CCDC88A: variants seen among roughly 807,000 people sequenced by gnomAD.
The protein encoded by CCDC88A is coiled-coil and HOOK domain protein 88A.
CCDC88A carries 54 observed loss-of-function variants against 234.3 expected under a neutral mutation model. The ratio of observed to expected loss-of-function variants is 0.23; its 90% CI spans 0.19 to 0.29. CCDC88A has a LOEUF of 0.29. Among genes scored for constraint, CCDC88A ranks in the 10% least tolerant of loss-of-function variants. The pLI is 1.00. For missense variants in CCDC88A, 1,832 were observed against 2,123.4 expected (o/e 0.86, Z 2.70); for synonymous variants, 753 against 737.8 (o/e 1.02, Z -0.33).
chr2:55,380,214 C>T (rs1021079191), intron 3 of CCDC88A, among the ~76,000 whole-genome samples: 5 of 151,722 alleles, frequency 3.3e-5, no homozygotes, highest in African/African-American at 9.7e-5. Context: ...CCAGCCTGGG[C>T]GACAGAGCGA....
At chr2:55,306,754 T>C (rs890929996) in intron 25 of CCDC88A, among the ~76,000 whole-genome samples, 2 of 152,116 alleles carry the variant, frequency 1.3e-5, no homozygotes, top group Admixed American at 6.5e-5. Context: ...TTTTGGATTT[T>C]TAGTAGACAC....
chr2:55,341,137 T>C (rs1016869723), intron 12 of CCDC88A, among the ~76,000 whole-genome samples: 1 of 82,374 alleles, frequency 1.2e-5, no homozygotes, highest in Non-Finnish European at 2.4e-5. Context: ...ACAGAATTTC[T>C]TTCTTTTTTT....
intron 17 of CCDC88A, chr2:55,324,244 A>G (rs1037588855): frequency 3.6e-4 from 55 of 152,346 alleles, no homozygotes; most frequent in African/African-American, 1.3e-3. Flanking sequence ...CTTTAAAAAC[A>G]GAGTTATAAT....
intron 5 of CCDC88A, among the ~76,000 whole-genome samples, chr2:55,364,603 T>C (rs752119647): frequency 2.6e-5 from 4 of 152,230 alleles, no homozygotes; most frequent in Middle Eastern, 3.4e-3. Flanking sequence ...AATAAATATT[T>C]GATTTGTTTC....
chr2:55,376,415 C>G (rs1673663098), intron 3 of CCDC88A, among the ~76,000 whole-genome samples: 2 of 152,098 alleles, frequency 1.3e-5, no homozygotes, highest in African/African-American at 4.8e-5. Flanking sequence ...TGAAAAATAA[C>G]TATAAAAAGT....
chr2:55,412,766 C>A (rs915010142), intron 2 of CCDC88A, among the ~76,000 whole-genome samples: 3 of 152,180 alleles, frequency 2.0e-5, no homozygotes, highest in African/African-American at 7.2e-5. Context: ...TTATTGGACA[C>A]TTTCTATATG....
intron 5 of CCDC88A, 139 bp downstream of exon 5, chr2:55,372,313 G>T (rs925652974): frequency 9.5e-6 from 5 of 526,272 alleles, no homozygotes; most frequent in Non-Finnish European, 1.0e-5. Context: ...TCCTTAGGAG[G>T]TTATACAGTT....
At chr2:55,362,252 C>T in intron 7 of CCDC88A, 56 bp downstream of exon 7, 1 of 1,372,256 alleles carries the variant, frequency 7.3e-7, no homozygotes, top group Non-Finnish European at 9.9e-7. Flanking sequence ...CCTAAAGCTA[C>T]TATTTTCTTT....
intron 2 of CCDC88A, among the ~76,000 whole-genome samples, chr2:55,406,502 C>CCCAGCACTT (rs1177341788): frequency 6.6e-6 from 1 of 152,162 alleles, no homozygotes; most frequent in East Asian, 1.9e-4. Flanking sequence ...CACCTGTAAT[C>CCCAGCACTT]CCAGCACTTG....
At chr2:55,396,666 C>A (rs983375530) in intron 2 of CCDC88A, among the ~76,000 whole-genome samples, 2 of 151,924 alleles carry the variant, frequency 1.3e-5, no homozygotes, top group South Asian at 2.1e-4. Context: ...GTCTGGAGAT[C>A]GAGACCATCC....
intron 9 of CCDC88A, 120 bp from the exon 10 acceptor site, chr2:55,346,453 C>CT: frequency 1.9e-6 from 1 of 531,760 alleles, no homozygotes; most frequent in South Asian, 3.2e-5. Flanking sequence ...GAGTTTCACT[C>CT]TTGTTGCCCA....
chr2:55,324,638 T>C (rs1039710782), intron 17 of CCDC88A, among the ~76,000 whole-genome samples: 2 of 151,572 alleles, frequency 1.3e-5, no homozygotes, highest in African/African-American at 4.9e-5. Flanking sequence ...GAAGTAGCAT[T>C]ATCACCTTCT....
At chr2:55,416,463 T>G (rs1316230019) in intron 2 of CCDC88A, among the ~76,000 whole-genome samples, 5 of 90,750 alleles carry the variant, frequency 5.5e-5, no homozygotes, top group Non-Finnish European at 1.0e-4. Context: ...TATATATATA[T>G]ATATATATAT....
In CCDC88A at chr2:55,328,419, C is replaced by A; in HGVS notation, c.2872G>T (p.Glu958Ter). 1.3e-6 allele frequency: 2 copies of A among 1,572,892 alleles called. No individual in the cohort carries two copies. The highest frequency in any genetic ancestry group is 1.9e-5 in the Admixed American group (1 of 53,512). The change falls in exon 17 of 33, where the codon GAA becomes TAA. Residue 958 changes from glutamate to a stop codon, truncating the protein, a stop_gained. Transcript: ENST00000436346. LOFTEE classifies it high-confidence loss of function. The surrounding 1 kb of genome is among the most constrained non-coding windows in gnomAD (Gnocchi z 4.3). ...TTAAGAGTGGATTCTAATTTTGATT[C>A]CAAAAGTTTATACCTACTATCCAAG... ...STDDSRYKLL[E>*]SKLESTLKKS...
intron 9 of CCDC88A, chr2:55,349,279 C>T (rs1669570995): frequency 2.2e-6 from 1 of 446,118 alleles, no homozygotes; most frequent in African/African-American, 2.1e-5. Flanking sequence ...TGTGGAACTA[C>T]CTCAGTCCTA....
intron 2 of CCDC88A, among the ~76,000 whole-genome samples, chr2:55,408,979 T>G (rs948860319): frequency 5.3e-5 from 8 of 151,376 alleles, no homozygotes; most frequent in African/African-American, 1.7e-4. Context: ...CACGTCTGTT[T>G]ATTCAGAATT....
chr2:55,341,307 G>C (rs944502116), intron 12 of CCDC88A, among the ~76,000 whole-genome samples: 1 of 151,566 alleles, frequency 6.6e-6, no homozygotes, highest in Non-Finnish European at 1.5e-5. Context: ...ACCACGCTCA[G>C]CAAATTTTTT....
intron 12 of CCDC88A, among the ~76,000 whole-genome samples, chr2:55,342,289 T>C (rs1364425999): frequency 6.6e-6 from 1 of 152,098 alleles, no homozygotes; most frequent in Non-Finnish European, 1.5e-5. Context: ...ATTTAAAAAA[T>C]AAAAACTACA....
chr2:55,298,914 TCCAGGCCGGGCAAGG>T (rs1477260820), intron 29 of CCDC88A, among the ~76,000 whole-genome samples: 1 of 146,968 alleles, frequency 6.8e-6, no homozygotes, highest in East Asian at 2.0e-4. Flanking sequence ...CAAAAAACCC[TCCAGGCCGGGCAAGG>T]TGGCTCACAC....
Sources: allele counts gnomAD v4.1 joint callset (sites outside exome capture counted in the v4.1 genomes callset), GRCh38; gene constraint gnomAD v4.1.1; non-coding constraint Gnocchi (gnomAD v3.1); transcripts MANE v1.5; gene names NCBI Gene and HGNC (gene_info 2026-07-23, HGNC 2026-07-21).